The following PIK3IP1 variants were observed in gnomAD, a reference collection of about 807,000 sequenced individuals.
PIK3IP1 encodes the protein phosphoinositide-3-kinase-interacting protein 1.
In PIK3IP1, 28 loss-of-function variants were observed where a neutral mutation model predicts 30.7. That is an observed-to-expected ratio of 0.91 (90% confidence interval 0.68 to 1.25). The LOEUF (loss-of-function observed/expected upper bound fraction) is 1.25. Ranked by LOEUF, PIK3IP1 falls within the 50% of genes most tolerant of loss-of-function variation. The probability of loss-of-function intolerance (pLI) is 0.00; values close to 1 mark genes in which losing one functional copy is unlikely to be tolerated. For synonymous variants in PIK3IP1, 159 were observed against 140.8 expected (o/e 1.13, Z -0.91); for missense variants, 333 against 346.2 (o/e 0.96, Z 0.30).
chr22:31,289,690 G>A lies in PIK3IP1; in HGVS notation c.317C>T (p.Ser106Phe), dbSNP rs1413328130. Residue 106 changes from serine to phenylalanine, a missense_variant, in exon 4 of 6, where the codon TCC (serine) becomes TTC (phenylalanine). Physicochemically the swap from Ser to Phe is radical, Grantham distance 155. This residue lies in a region of PIK3IP1 where 217 missense variants were observed against 227.7 expected (regional missense o/e 0.95). Coordinates refer to ENST00000215912, the MANE Select transcript of PIK3IP1 (RefSeq NM_052880.5). Reference protein sequence around the residue: ...CEDLRCPETTSQALPAFTTEI... With the variant: ...CEDLRCPETTFQALPAFTTEI... The stretch of plus-strand genomic sequence containing the variant: ...TGTCGTGAAGGCTGGCAGGGCCTGG[G>A]AGGTGGTCTCTGGAGATGAGGTGGG... The A allele has an allele frequency of 5.8e-6, 9 of 1,552,336 alleles. No individual in the cohort carries two copies. Among genetic ancestry groups the A allele is most frequent in the Non-Finnish European group, 7.0e-6 (8 of 1,147,208 alleles).
chr22:31,291,401 T>A (rs2049177822), intron 1 of PIK3IP1, 105 bp from the exon 2 acceptor site: 36 of 1,119,506 alleles, frequency 3.2e-5, no homozygotes, highest in Non-Finnish European at 4.7e-5. Flanking sequence ...AACCTCAGCC[T>A]GGTTAGGGGA....
At chr22:31,283,749 A>T (rs2049109546) in intron 5 of PIK3IP1, among the ~76,000 whole-genome samples, 1 of 152,036 alleles carries the variant, frequency 6.6e-6, no homozygotes, top group South Asian at 2.1e-4. Flanking sequence ...AAAGCAAGAC[A>T]CAGTTTTGTT....
Position 31,290,949 on chromosome 22 carries a change from G to C in PIK3IP1, c.307+16C>G. ...CAGCGCCAGGAGCGGGGATTCCCGG[G>C]GTCCCGGGCAGGTACCTGGACAGCG... On this transcript the variant is annotated intron_variant, in intron 3 of 5. Transcript: ENST00000215912. 6 of 1,550,642 alleles carry C rather than the reference G, an allele frequency of 3.9e-6. No individual in the cohort carries two copies. Among genetic ancestry groups the C allele is most frequent in the Non-Finnish European group, 5.2e-6 (6 of 1,153,354 alleles).
At chr22:31,283,608 T>A (rs937563078) in intron 5 of PIK3IP1, among the ~76,000 whole-genome samples, 9 of 151,860 alleles carry the variant, frequency 5.9e-5, no homozygotes, top group African/African-American at 1.9e-4. Context: ...TTTTTTTTTT[T>A]ATGGTTGAGA....
chr22:31,286,194 G>A (rs2049129747), intron 5 of PIK3IP1, among the ~76,000 whole-genome samples: 1 of 152,058 alleles, frequency 6.6e-6, no homozygotes, highest in South Asian at 2.1e-4. Flanking sequence ...CATACAGTAG[G>A]GCCTTACTTA....
At chr22:31,289,189 C>T in intron 5 of PIK3IP1, 126 bp downstream of exon 5, 1 of 917,866 alleles carries the variant, frequency 1.1e-6, no homozygotes, top group East Asian at 2.6e-5. Context: ...AAGACTAGGA[C>T]CAAGTCTCTA....
At chr22:31,288,171 G>A (rs1239371423) in intron 5 of PIK3IP1, among the ~76,000 whole-genome samples, 4 of 152,010 alleles carry the variant, frequency 2.6e-5, no homozygotes, top group Non-Finnish European at 2.9e-5. Flanking sequence ...GAGCCCAGGA[G>A]TTTGAGACTA....
chr22:31,291,193 C>G lies in PIK3IP1; in HGVS notation c.174G>C (p.Ser58=). ...GAGGACACTTACCCGACACGGGGGCCGAGGCCAGCCCGCTCTGCGCGTCCA... is the reference window on the plus strand; with the variant it reads ...GAGGACACTTACCCGACACGGGGGCGGAGGCCAGCCCGCTCTGCGCGTCCA... ...NWLDAQSGLA[S]APVSGAGNHS... The change falls in exon 2 of 6, where the codon TCG becomes TCC. Residue 58 remains serine (S), a synonymous_variant. Transcript: ENST00000215912. The G allele has an allele frequency of 1.3e-6, 2 of 1,547,378 alleles. No homozygotes were observed. Among genetic ancestry groups the G allele is most frequent in the South Asian group, 1.2e-5 (1 of 83,934 alleles).
intron 1 of PIK3IP1, among the ~76,000 whole-genome samples, chr22:31,291,828 T>G (rs973474204): frequency 1.3e-5 from 2 of 152,178 alleles, no homozygotes; most frequent in African/African-American, 4.8e-5. Flanking sequence ...CCCAGGAGAA[T>G]TCTCCAGGAG....
Position 31,282,751 on chromosome 22 carries a change from G to A in PIK3IP1, c.*333C>T, listed in dbSNP as rs1015762106. 2.4e-5 allele frequency: 7 copies of A among 295,996 alleles called. No homozygotes were observed. Among genetic ancestry groups the A allele is most frequent in the African/African-American group, 6.3e-5 (3 of 47,432 alleles). The allele number at this position is 295,996 out of a possible 1,614,324, so 18.3% of individuals were successfully genotyped here. On this transcript the variant is annotated 3_prime_UTR_variant, in exon 6 of 6. Coordinates refer to ENST00000215912, the MANE Select transcript of PIK3IP1 (RefSeq NM_052880.5). ...ATCTTAGTAAAGCACAGAGGAGCCT[G>A]GGGGAGCTCCCCGTCTATCCCTGGT...
At position 31,282,704 on chromosome 22, in the gene PIK3IP1, G is replaced by A. The variant is rs1178699463; in HGVS notation, c.*380C>T. 4.6e-6 allele frequency: 1 copy of A among 216,860 alleles called. No individual in the cohort carries two copies. The highest frequency in any genetic ancestry group is 9.4e-6 in the Non-Finnish European group (1 of 106,716). The allele number at this position is 216,860 out of a possible 1,614,324, so 13.4% of individuals were successfully genotyped here. On this transcript the variant is annotated 3_prime_UTR_variant, in exon 6 of 6. Transcript: ENST00000215912. ...ATGAATAACAGTGTATGCCACTCAA[G>A]CCCACAGTGGAGACTGAGGCCATCT...
In PIK3IP1 at chr22:31,292,332, A is replaced by T; in HGVS notation, c.13T>A (p.Trp5Arg). 1 of 1,614,158 alleles carries T rather than the reference A, an allele frequency of 6.2e-7. No individual in the cohort carries two copies. Among genetic ancestry groups the T allele is most frequent in the Non-Finnish European group, 8.5e-7 (1 of 1,179,996 alleles). Residue 5 changes from tryptophan to arginine, a missense_variant, in exon 1 of 6, where the codon TGG (tryptophan) becomes AGG (arginine). Trp to Arg is a moderately radical substitution (Grantham distance 101, BLOSUM62 -3). This residue lies in a region of PIK3IP1 where 111 missense variants were observed against 100.1 expected (regional missense o/e 1.11). Coordinates refer to ENST00000215912, the MANE Select transcript of PIK3IP1 (RefSeq NM_052880.5). MLLA[W>R]VQAFLVSNML... is the part of the protein sequence containing the mutation. The stretch of plus-strand genomic sequence containing the variant: ...TTGCTGACGAGGAATGCTTGTACCC[A>T]GGCCAACAGCATCCTTGCCTCCTTC...
chr22:31,289,226 G>T, intron 5 of PIK3IP1, 89 bp downstream of exon 5: 2 of 1,292,570 alleles, frequency 1.5e-6, no homozygotes, highest in Non-Finnish European at 2.2e-6. Context: ...TCAACATCTT[G>T]CTTCCTTTTG....
rs1194775651 is a variant in PIK3IP1, at chr22:31,289,515, CT to C, written c.491del (p.Lys164ArgfsTer14). On this transcript the variant is annotated frameshift_variant, in exon 4 of 6. Transcript: ENST00000215912. LOFTEE classifies it high-confidence loss of function. ...CCGTCATACCCAGAGTTCCCAGGTC[CT>C]TTTTCTCCTTGGAGTTCATCCGCAC... ...QRVRMNSKEK[K>X]DLGTLGYVLG... is the part of the protein sequence containing the mutation. The C allele has an allele frequency of 2.0e-6, 3 of 1,533,838 alleles. No individual in the cohort carries two copies. Among genetic ancestry groups the C allele is most frequent in the Admixed American group, 2.1e-5 (1 of 47,774 alleles).
Position 31,290,964 on chromosome 22 carries a change from C to A in PIK3IP1, c.307+1G>T, listed in dbSNP as rs928174562. Reference sequence around the variant, plus strand: ...GGATTCCCGGGGTCCCGGGCAGGTACCTGGACAGCGCAGGTCCTCGCAAGG... The same window carrying A: ...GGATTCCCGGGGTCCCGGGCAGGTAACTGGACAGCGCAGGTCCTCGCAAGG... On this transcript the variant is annotated splice_donor_variant, in intron 3 of 5. Coordinates refer to ENST00000215912, the MANE Select transcript of PIK3IP1 (RefSeq NM_052880.5). LOFTEE classifies it high-confidence loss of function. 1 of 1,596,416 alleles carries A rather than the reference C, an allele frequency of 6.3e-7. No homozygotes were observed. The highest frequency in any genetic ancestry group is 1.4e-5 in the African/African-American group (1 of 72,364).
chr22:31,285,160 CGCT>C (rs2123886009), intron 5 of PIK3IP1, among the ~76,000 whole-genome samples: 1 of 152,232 alleles, frequency 6.6e-6, no homozygotes, highest in African/African-American at 2.4e-5. Flanking sequence ...TACTCTGAGC[CGCT>C]GCTATTTTCC....
chr22:31,283,769 CCA>C lies in PIK3IP1; in HGVS notation c.588-483_588-482del, dbSNP rs558787919. ...AAGACACAGTTTTGTTCTTTCAGCC[CCA>C]GAGACCCAGAGAACTATCTGAACTT... On this transcript the variant is annotated intron_variant, in intron 5 of 5. Transcript: ENST00000215912. Among the ~76,000 whole-genome samples the C allele has an allele frequency of 1.4e-4, 22 of 151,832 alleles. No homozygotes were observed. The South Asian group carries it at 4.6e-3, about 32-fold the overall frequency.
Position 31,283,336 on chromosome 22 carries a change from G to T in PIK3IP1, c.588-48C>A, listed in dbSNP as rs746045914. The T allele has an allele frequency of 8.8e-6, 14 of 1,595,912 alleles. No individual in the cohort carries two copies. The South Asian group carries it at 1.6e-4, about 18-fold the overall frequency. On this transcript the variant is annotated intron_variant, in intron 5 of 5. Coordinates refer to ENST00000215912, the MANE Select transcript of PIK3IP1 (RefSeq NM_052880.5). ...ACATTCAGGCTATGCCTCCTGCATA[G>T]CTTTGCTCATTAGATAGCATCCCTG...
Position 31,292,410 on chromosome 22 carries a change from G to T in PIK3IP1, c.-66C>A. 6.9e-7 allele frequency: 1 copy of T among 1,445,256 alleles called. No homozygotes were observed. Among genetic ancestry groups the T allele is most frequent in the Non-Finnish European group, 9.7e-7 (1 of 1,027,274 alleles). The allele number at this position is 1,445,256 out of a possible 1,614,324, so 89.5% of individuals were successfully genotyped here. ...TTTAACCGAGGCCCCCTTGGCGGCGGCTCTGCCTCCCAGTCCCAGCCTTGC... is the reference window on the plus strand; with the variant it reads ...TTTAACCGAGGCCCCCTTGGCGGCGTCTCTGCCTCCCAGTCCCAGCCTTGC... On this transcript the variant is annotated 5_prime_UTR_variant, in exon 1 of 6. Coordinates refer to ENST00000215912, the MANE Select transcript of PIK3IP1 (RefSeq NM_052880.5).
Sources: gnomAD v4.1 joint callset for allele counts (sites outside exome capture counted in the v4.1 genomes callset) on GRCh38, gnomAD v4.1.1 for gene constraint, gnomAD v4.1.1 regional missense constraint, MANE v1.5 for transcripts, NCBI Gene and HGNC (gene_info 2026-07-23, HGNC 2026-07-21) for gene names.